TMEM120B: variants seen among roughly 807,000 people sequenced by gnomAD.
TMEM120B encodes transmembrane protein 120B.
Under a neutral mutation model 55.5 loss-of-function variants are expected in TMEM120B, and 31 were observed. The ratio of observed to expected loss-of-function variants is 0.56; its 90% CI spans 0.42 to 0.75. The LOEUF (loss-of-function observed/expected upper bound fraction) is 0.75. Among genes scored for constraint, TMEM120B ranks in the 30% least tolerant of loss-of-function variants. The probability of loss-of-function intolerance (pLI) is 0.00; values close to 1 mark genes in which losing one functional copy is unlikely to be tolerated. For synonymous variants in TMEM120B, 203 were observed against 176.3 expected, an observed-to-expected ratio of 1.15 and a Z score of -1.20; for missense variants, 399 against 425.5, an observed-to-expected ratio of 0.94 and a Z score of 0.55.
intron 6 of TMEM120B, among the ~76,000 whole-genome samples, chr12:121,767,406 C>T (rs1308979240): frequency 3.3e-5 from 5 of 152,142 alleles, no homozygotes; most frequent in African/African-American, 1.2e-4. Flanking sequence ...GTGATCTGCC[C>T]GCCTCGGCCT....
At chr12:121,725,576 A>G (rs1044543007) in intron 1 of TMEM120B, among the ~76,000 whole-genome samples, 4 of 151,910 alleles carry the variant, frequency 2.6e-5, no homozygotes, top group Non-Finnish European at 5.9e-5. Context: ...CAAAAAGTCA[A>G]AACAACCCAA....
At chr12:121,718,016 C>T (rs977571514) in intron 1 of TMEM120B, among the ~76,000 whole-genome samples, 10 of 152,168 alleles carry the variant, frequency 6.6e-5, no homozygotes, top group African/African-American at 2.4e-4. Context: ...AATCAGTATT[C>T]TTGAGTTCAG....
At chr12:121,751,221 A>C (rs1305376720) in intron 4 of TMEM120B, among the ~76,000 whole-genome samples, 11 of 26,564 alleles carry the variant, frequency 4.1e-4, no homozygotes, top group Admixed American at 1.0e-3. Context: ...CCCCACACCC[A>C]ACACCCCACA....
At chr12:121,754,854 G>C (rs1034674254) in intron 5 of TMEM120B, among the ~76,000 whole-genome samples, 1 of 152,188 alleles carries the variant, frequency 6.6e-6, no homozygotes, top group Non-Finnish European at 1.5e-5. Flanking sequence ...AGGGGGATTG[G>C]ACGGGCCGTT....
At chr12:121,750,593 ACCCCAC>A (rs1398141085) in intron 4 of TMEM120B, among the ~76,000 whole-genome samples, 154 bp downstream of exon 4, 1 of 91,746 alleles carries the variant, frequency 1.1e-5, no homozygotes, top group African/African-American at 3.9e-5. Flanking sequence ...CCACACCAAC[ACCCCAC>A]CCACACCAAC....
In TMEM120B at chr12:121,748,207, G is replaced by GCA. The variant is rs767707911; in HGVS notation, c.189-118_189-117insAC. 1.0e-4 allele frequency: 46 copies of GCA among 449,836 alleles called. 4 individuals are homozygous for GCA. The highest frequency in any genetic ancestry group is 1.5e-4 in the Non-Finnish European group (37 of 247,476). The allele number at this position is 449,836 out of a possible 1,614,324, so 27.9% of individuals were successfully genotyped here. On this transcript the variant is annotated intron_variant, in intron 2 of 11. Coordinates refer to ENST00000449592, the MANE Select transcript of TMEM120B (RefSeq NM_001080825.2). ...GGGAGGCTGGGGTAGAAGGTGGGAG[G>GCA]CTGGGGTAGAAGGTAGGAGGCACTG... is the stretch of plus-strand genomic sequence containing the variant.
chr12:121,770,344 G>A (rs1407022597), intron 6 of TMEM120B, among the ~76,000 whole-genome samples: 4 of 152,086 alleles, frequency 2.6e-5, no homozygotes, highest in Admixed American at 2.6e-4. Flanking sequence ...GCCCACCAGT[G>A]TGACCTTGTT....
intron 1 of TMEM120B, among the ~76,000 whole-genome samples, chr12:121,724,265 G>T (rs1894848497): frequency 6.6e-6 from 1 of 151,972 alleles, no homozygotes; most frequent in Non-Finnish European, 1.5e-5. Context: ...TTGAACTCCT[G>T]ACTTCGTGAT....
rs778748619 is a variant in TMEM120B at position 121,780,847 on chromosome 12, C to A, written c.*5125C>A. ...GGGAGGCTTCACAGCCACGGCTGTGCCCCAGGGTCTTGGCCCCGGCCCACC... is the reference window on the plus strand; with the variant it reads ...GGGAGGCTTCACAGCCACGGCTGTGACCCAGGGTCTTGGCCCCGGCCCACC... On this transcript the variant is annotated 3_prime_UTR_variant, in exon 12 of 12. Coordinates refer to ENST00000449592, the MANE Select transcript of TMEM120B (RefSeq NM_001080825.2). The A allele has an allele frequency of 3.1e-6, 5 of 1,605,934 alleles. No homozygotes were observed. Among genetic ancestry groups the A allele is most frequent in the Non-Finnish European group, 4.3e-6 (5 of 1,176,460 alleles).
At chr12:121,747,021 G>A (rs1473997884) in intron 2 of TMEM120B, among the ~76,000 whole-genome samples, 1 of 152,064 alleles carries the variant, frequency 6.6e-6, no homozygotes, top group Non-Finnish European at 1.5e-5. Flanking sequence ...ATTATCCCTT[G>A]AGCTCATACT....
chr12:121,738,012 CAAAAAAAAAAAA>C (rs59357934), intron 1 of TMEM120B, among the ~76,000 whole-genome samples: 26 of 69,418 alleles, frequency 3.7e-4, no homozygotes, highest in South Asian at 2.5e-3. Context: ...CCTGTCTCCA[CAAAAAAAAAAAA>C]AAAAAGAAAG....
chr12:121,748,395 G>A lies in TMEM120B; in HGVS notation c.258G>A (p.Arg86=). Residue 86 remains arginine, a synonymous_variant, in exon 3 of 12, where the codon CGG becomes CGA. Transcript: ENST00000449592. The part of the protein sequence containing the change: ...VQQMAANIKE[R]QDVFFDMEAY... ...AGATGGCAGCGAACATCAAGGAGCGGCAGGACGTCTTCTTCGACATGGAGG... is the reference window on the plus strand; with the variant it reads ...AGATGGCAGCGAACATCAAGGAGCGACAGGACGTCTTCTTCGACATGGAGG... 6.2e-7 allele frequency: 1 copy of A among 1,610,830 alleles called. No individual in the cohort carries two copies. The highest frequency in any genetic ancestry group is 2.2e-5 in the East Asian group (1 of 44,842).
At position 121,775,827 on chromosome 12, in the gene TMEM120B, A is replaced by G. The variant is rs763943547; in HGVS notation, c.*105A>G. On this transcript the variant is annotated 3_prime_UTR_variant, in exon 12 of 12. Transcript: ENST00000449592. This position sits in a 1 kb window ranked among gnomAD's most constrained non-coding sequence, Gnocchi z 4.3. The stretch of plus-strand genomic sequence containing the variant: ...CCGTGGCATCGCTGGGAGAGGGCCC[A>G]GGCCCTGGTCCCCCAGTGGACCCCA... 2 of 1,251,964 alleles carry G rather than the reference A, an allele frequency of 1.6e-6. No homozygotes were observed. The highest frequency in any genetic ancestry group is 1.2e-5 in the South Asian group (1 of 80,814). The allele number at this position is 1,251,964 out of a possible 1,614,324, so 77.6% of individuals were successfully genotyped here. A position where few individuals can be genotyped will look rare whatever the true frequency, so the allele number is the denominator to read the frequency against.
At chr12:121,744,893 G>T (rs1169880898) in intron 2 of TMEM120B, among the ~76,000 whole-genome samples, 1 of 152,226 alleles carries the variant, frequency 6.6e-6, no homozygotes, top group East Asian at 1.9e-4. Flanking sequence ...ATGGCCCTGT[G>T]CAAACACGTC....
intron 1 of TMEM120B, among the ~76,000 whole-genome samples, chr12:121,715,697 A>T (rs997782688): frequency 2.0e-5 from 3 of 152,086 alleles, no homozygotes; most frequent in Non-Finnish European, 4.4e-5. Flanking sequence ...CCAGTCAGGG[A>T]TGGCTCCCGG....
chr12:121,767,921 C>A (rs188145387), intron 6 of TMEM120B, among the ~76,000 whole-genome samples: 1 of 152,200 alleles, frequency 6.6e-6, no homozygotes, highest in African/African-American at 2.4e-5. Flanking sequence ...GGGCATTTCT[C>A]AGGGGAGCTT....
intron 3 of TMEM120B, among the ~76,000 whole-genome samples, chr12:121,748,725 C>T (rs552632197): frequency 3.3e-5 from 5 of 152,306 alleles, no homozygotes; most frequent in Admixed American, 1.3e-4. Context: ...ACTGTCCTCT[C>T]CCAGGAGAAC....
Position 121,775,520 on chromosome 12 carries a change from G to A in TMEM120B, c.907-89G>A. 2 of 1,507,418 alleles carry A rather than the reference G, an allele frequency of 1.3e-6. No individual in the cohort carries two copies. Among genetic ancestry groups the A allele is most frequent in the Non-Finnish European group, 1.8e-6 (2 of 1,131,936 alleles). The allele number at this position is 1,507,418 out of a possible 1,614,324, so 93.4% of individuals were successfully genotyped here. On this transcript the variant is annotated intron_variant, in intron 11 of 11. Coordinates refer to ENST00000449592, the MANE Select transcript of TMEM120B (RefSeq NM_001080825.2). The surrounding 1 kb of genome is among the most constrained non-coding windows in gnomAD (Gnocchi z 4.3). ...AACCCTGCAGTTTGGGAGTTTGGGGGCAGCTGTGCTGGAGATTCTGGGGTG... is the reference window on the plus strand; with the variant it reads ...AACCCTGCAGTTTGGGAGTTTGGGGACAGCTGTGCTGGAGATTCTGGGGTG...
chr12:121,771,884 T>C (rs1874066733), intron 8 of TMEM120B, among the ~76,000 whole-genome samples: 3 of 152,150 alleles, frequency 2.0e-5, no homozygotes. Flanking sequence ...ATCTGAAAAT[T>C]GCTCTGGATT....
Sources: allele counts gnomAD v4.1 joint callset (sites outside exome capture counted in the v4.1 genomes callset), GRCh38; gene constraint gnomAD v4.1.1; non-coding constraint Gnocchi (gnomAD v3.1); transcripts MANE v1.5; gene names NCBI Gene and HGNC (gene_info 2026-07-23, HGNC 2026-07-21).